CFAP299: variants seen among roughly 807,000 people sequenced by gnomAD.
CFAP299 encodes cilia- and flagella-associated protein 299.
In CFAP299, 21 loss-of-function variants were observed where a neutral mutation model predicts 27.0. That is an observed-to-expected ratio of 0.78 (90% confidence interval 0.55 to 1.12). The LOEUF (loss-of-function observed/expected upper bound fraction) is 1.12. Among genes scored for constraint, CFAP299 ranks in the 50% most tolerant of loss-of-function variants. The probability of loss-of-function intolerance (pLI) is 0.00; values close to 1 mark genes in which losing one functional copy is unlikely to be tolerated. For missense variants in CFAP299, 310 were observed against 276.6 expected (o/e 1.12, Z -0.86); for synonymous variants, 104 against 98.1 (o/e 1.06, Z -0.36).
intron 2 of CFAP299, among the ~76,000 whole-genome samples, chr4:80,557,821 C>A (rs575279761): frequency 5.9e-5 from 9 of 152,080 alleles, no homozygotes; most frequent in Non-Finnish European, 1.2e-4. Flanking sequence ...AAAATAATTT[C>A]TTTTCGGCTA....
chr4:80,605,929 C>T (rs576686738), intron 3 of CFAP299, among the ~76,000 whole-genome samples: 1 of 152,138 alleles, frequency 6.6e-6, no homozygotes, highest in Admixed American at 6.5e-5. Context: ...GCATATCTGT[C>T]TCCTACAGCT....
intron 2 of CFAP299, among the ~76,000 whole-genome samples, chr4:80,511,327 A>G (rs1732292864): frequency 6.6e-6 from 1 of 152,198 alleles, no homozygotes; most frequent in Non-Finnish European, 1.5e-5. Flanking sequence ...TATTATTGAC[A>G]TTAAATACAG....
At chr4:80,364,328 G>A (rs1723710681) in intron 2 of CFAP299, among the ~76,000 whole-genome samples, 1 of 151,864 alleles carries the variant, frequency 6.6e-6, no homozygotes, top group Admixed American at 6.6e-5. Context: ...TGTCATTTGG[G>A]GGCTGGTCTT....
intron 3 of CFAP299, among the ~76,000 whole-genome samples, chr4:80,842,035 A>G (rs1329990019): frequency 2.0e-5 from 3 of 152,100 alleles, no homozygotes; most frequent in Non-Finnish European, 2.9e-5. Flanking sequence ...CTCAGTACCT[A>G]TAGTGAAACC....
chr4:80,739,075 TA>T (rs1166328565), intron 3 of CFAP299, among the ~76,000 whole-genome samples: 1 of 152,138 alleles, frequency 6.6e-6, no homozygotes, highest in Non-Finnish European at 1.5e-5. Flanking sequence ...CCCTGCTTTT[TA>T]ACTTTTTGTT....
At chr4:80,473,818 C>G (rs1267862369) in intron 2 of CFAP299, among the ~76,000 whole-genome samples, 1 of 152,042 alleles carries the variant, frequency 6.6e-6, no homozygotes, top group Non-Finnish European at 1.5e-5. Context: ...TTTCAAACTC[C>G]TGGGCTGAAG....
upstream of CFAP299, chr4:80,335,647 G>A (rs567164557): frequency 1.4e-6 from 1 of 695,282 alleles, no homozygotes; most frequent in African/African-American, 1.8e-5. Flanking sequence ...CCGCCGGGGG[G>A]TGGGATTAAC....
chr4:80,715,798 C>T (rs747605561), intron 3 of CFAP299, among the ~76,000 whole-genome samples: 1 of 151,940 alleles, frequency 6.6e-6, no homozygotes, highest in Non-Finnish European at 1.5e-5. Flanking sequence ...TAAGACAACT[C>T]GCAATTATCA....
At position 80,605,558 on chromosome 4, in the gene CFAP299, G is replaced by T. The variant is rs535254102; in HGVS notation, c.333+22375G>T. Among the ~76,000 whole-genome samples the T allele has an allele frequency of 2.0e-5, 3 of 152,248 alleles. No homozygotes were observed. The South Asian group carries it at 6.2e-4, about 32-fold the overall frequency. On this transcript the variant is annotated intron_variant, in intron 3 of 5. Coordinates refer to ENST00000358105, the MANE Select transcript of CFAP299 (RefSeq NM_152770.3). The stretch of plus-strand genomic sequence containing the variant: ...AGAAATAGAAGCAAATGTCAGGAAT[G>T]TGTTTTCAAGAATGAGATTTTGCTT...
At chr4:80,580,861 A>G in intron 2 of CFAP299, among the ~76,000 whole-genome samples, 1 of 152,016 alleles carries the variant, frequency 6.6e-6, no homozygotes, top group Non-Finnish European at 1.5e-5. Context: ...CAGAAGCTCT[A>G]AGAGACAATG....
At chr4:80,387,467 C>A in intron 2 of CFAP299, 2 of 818,966 alleles carry the variant, frequency 2.4e-6, no homozygotes, top group East Asian at 2.4e-5. Context: ...GGGTTTCCGG[C>A]TTGCCCCTTG....
intron 3 of CFAP299, among the ~76,000 whole-genome samples, chr4:80,864,487 T>C (rs112550409): frequency 0.14 from 20,851 of 146,232 alleles, 1,823 homozygotes; most frequent in Middle Eastern, 0.27. Flanking sequence ...TATACATATA[T>C]ACACATATAT....
At chr4:80,662,410 C>T (rs545101381) in intron 3 of CFAP299, among the ~76,000 whole-genome samples, 193 of 42,794 alleles carry the variant, frequency 4.5e-3, no homozygotes, top group Middle Eastern at 0.044. Context: ...GAATTTCCCC[C>T]GAAAAAAAAA....
chr4:80,562,008 G>T (rs990197206), intron 2 of CFAP299, among the ~76,000 whole-genome samples: 26 of 152,180 alleles, frequency 1.7e-4, no homozygotes, highest in South Asian at 4.1e-4. Context: ...AAAAGTGAGG[G>T]AATGAGGTTA....
chr4:80,693,795 GA>G (rs1227365117), intron 3 of CFAP299, among the ~76,000 whole-genome samples: 2 of 151,018 alleles, frequency 1.3e-5, no homozygotes, highest in Admixed American at 1.3e-4. Context: ...TTAATGTGAA[GA>G]ATCTCCAGTA....
At chr4:80,774,314 T>C (rs1375942606) in intron 3 of CFAP299, among the ~76,000 whole-genome samples, 1 of 151,866 alleles carries the variant, frequency 6.6e-6, no homozygotes, top group African/African-American at 2.4e-5. Context: ...AGGGGAAACA[T>C]GCTGATACTT....
chr4:80,625,716 C>T (rs772266900), intron 3 of CFAP299, among the ~76,000 whole-genome samples: 1 of 151,704 alleles, frequency 6.6e-6, no homozygotes, highest in Non-Finnish European at 1.5e-5. Flanking sequence ...TAAATGGTAG[C>T]CAAACACAAA....
At chr4:80,544,303 T>A (rs1734132116) in intron 2 of CFAP299, among the ~76,000 whole-genome samples, 1 of 152,162 alleles carries the variant, frequency 6.6e-6, no homozygotes, top group African/African-American at 2.4e-5. Flanking sequence ...CAATCAAGTC[T>A]ACATAACAAC....
chr4:80,546,801 A>G (rs1734250901), intron 2 of CFAP299, among the ~76,000 whole-genome samples: 2 of 152,170 alleles, frequency 1.3e-5, no homozygotes, highest in African/African-American at 4.8e-5. Flanking sequence ...AGCTGAACAG[A>G]TGACAGCACC....
Sources: allele counts gnomAD v4.1 joint callset (sites outside exome capture counted in the v4.1 genomes callset), GRCh38; gene constraint gnomAD v4.1.1; transcripts MANE v1.5; gene names NCBI Gene and HGNC (gene_info 2026-07-23, HGNC 2026-07-21).